The following DTD1 variants were observed in gnomAD, a reference collection of about 807,000 sequenced individuals.
The protein encoded by DTD1 is D-aminoacyl-tRNA deacylase 1, also known as D-tyrosyl-tRNA deacylase 1 homolog.
A neutral mutation model predicts 25.6 loss-of-function variants in DTD1; 13 were observed. The observed-to-expected ratio is 0.51, with a 90% CI of 0.33 to 0.81. The LOEUF is 0.81. Ranked by LOEUF, DTD1 falls within the 30% of genes least tolerant of loss-of-function variation. The pLI, the probability that DTD1 is intolerant of heterozygous loss-of-function variation, is 0.02. For synonymous variants in DTD1, 110 were observed against 103.6 expected (o/e 1.06, Z -0.37); for missense variants, 193 against 266.4 (o/e 0.72, Z 1.92).
intron 3 of DTD1, among the ~76,000 whole-genome samples, chr20:18,615,486 T>C (rs1381897281): frequency 5.9e-5 from 9 of 152,164 alleles, no homozygotes; most frequent in Admixed American, 5.9e-4. Flanking sequence ...TTCACATGAA[T>C]GCTGAAGGCC....
At chr20:18,729,699 C>G (rs1027643383) in intron 4 of DTD1, among the ~76,000 whole-genome samples, 1 of 152,218 alleles carries the variant, frequency 6.6e-6, no homozygotes, top group African/African-American at 2.4e-5. Flanking sequence ...AAAGGAGTAT[C>G]TGTAATACAC....
intron 4 of DTD1, chr20:18,631,302 G>A: frequency 2.0e-6 from 2 of 984,506 alleles, no homozygotes; most frequent in African/African-American, 1.7e-5. Flanking sequence ...TTTCAAGGTG[G>A]TGACATAGAG....
rs1340091099 is a variant in DTD1 at position 18,764,277 on chromosome 20, T to C, written c.*937T>C. On this transcript the variant is annotated 3_prime_UTR_variant, in exon 6 of 6. Coordinates refer to ENST00000377452, the MANE Select transcript of DTD1 (RefSeq NM_080820.6). ...AGATACCCTTTATCCAGTAGCTACA[T>C]GGTTGTCCATGTATCCAAGTCACCA... 6.6e-6 allele frequency: 1 copy of C among 152,188 alleles called. No individual in the cohort carries two copies. The highest frequency in any genetic ancestry group is 2.4e-5 in the African/African-American group (1 of 41,450). The allele number at this position is 152,188 out of a possible 1,614,324, so 9.4% of individuals were successfully genotyped here. A position where few individuals can be genotyped will look rare whatever the true frequency, so the allele number is the denominator to read the frequency against.
At chr20:18,628,988 A>ATTTT (rs10594706) in intron 4 of DTD1, among the ~76,000 whole-genome samples, 6 of 71,544 alleles carry the variant, frequency 8.4e-5, no homozygotes, top group South Asian at 5.7e-4. Context: ...TCAAAGCCTG[A>ATTTT]TTTTTTTTTT....
At chr20:18,675,081 A>G (rs2060965170) in intron 4 of DTD1, 2 of 152,328 alleles carry the variant, frequency 1.3e-5, no homozygotes. Flanking sequence ...GCCTCGGTCC[A>G]CTGTAATTTG....
Position 18,628,196 on chromosome 20 carries a change from C to T in DTD1, c.440C>T (p.Ser147Leu), listed in dbSNP as rs780336372. ...GGGCCTGTGACCATAGAGCTGGAAT[C>T]GCCAGCTCCCGGCACTGCTACCTCT... Reference protein sequence around the residue: ...NDGPVTIELESPAPGTATSDP... With the variant: ...NDGPVTIELELPAPGTATSDP... The change falls in exon 4 of 6, where the codon TCG becomes TTG. Residue 147 changes from serine to leucine, a missense_variant. Transcript: ENST00000377452. 20 of 1,613,720 alleles carry T rather than the reference C, an allele frequency of 1.2e-5. No homozygotes were observed. The highest frequency in any genetic ancestry group is 4.5e-5 in the East Asian group (2 of 44,874).
chr20:18,752,494 T>C (rs1214386820), intron 5 of DTD1, among the ~76,000 whole-genome samples: 3 of 152,212 alleles, frequency 2.0e-5, no homozygotes, highest in Non-Finnish European at 4.4e-5. Context: ...GCATCCTTCA[T>C]TTCTGTTACA....
At chr20:18,663,152 A>G (rs953089754) in intron 4 of DTD1, among the ~76,000 whole-genome samples, 14 of 152,072 alleles carry the variant, frequency 9.2e-5, no homozygotes, top group African/African-American at 3.4e-4. Context: ...GCTGGCATCC[A>G]AGTTTCATGG....
chr20:18,708,259 TATATTTTATATATATATA>T (rs2061139343), intron 4 of DTD1, among the ~76,000 whole-genome samples: 1 of 31,402 alleles, frequency 3.2e-5, no homozygotes, highest in Non-Finnish European at 6.4e-5. Flanking sequence ...ATATTATATA[TATATTTTATATATATATA>T]ATATATATTA....
At chr20:18,641,218 C>T (rs1183412606) in intron 4 of DTD1, among the ~76,000 whole-genome samples, 3 of 152,100 alleles carry the variant, frequency 2.0e-5, no homozygotes, top group East Asian at 1.9e-4. Flanking sequence ...TCTTGTATAC[C>T]GTATTTTGTC....
At chr20:18,661,191 T>G (rs1302690638) in intron 4 of DTD1, among the ~76,000 whole-genome samples, 1 of 152,188 alleles carries the variant, frequency 6.6e-6, no homozygotes, top group Non-Finnish European at 1.5e-5. Context: ...TTCCTCCCAC[T>G]TTATTCTCCT....
intron 4 of DTD1, among the ~76,000 whole-genome samples, chr20:18,641,751 T>A (rs1205751596): frequency 6.6e-6 from 1 of 152,220 alleles, no homozygotes; most frequent in African/African-American, 2.4e-5. Context: ...TCTTTATGTA[T>A]TCTGTGTATT....
chr20:18,743,406 A>G (rs2061285918), intron 4 of DTD1, among the ~76,000 whole-genome samples: 1 of 152,182 alleles, frequency 6.6e-6, no homozygotes, highest in South Asian at 2.1e-4. Context: ...TCTTTAGAAA[A>G]CACGTGGTGT....
At chr20:18,606,782 G>A (rs1426524305) in intron 3 of DTD1, among the ~76,000 whole-genome samples, 3 of 132,102 alleles carry the variant, frequency 2.3e-5, no homozygotes, top group Non-Finnish European at 3.2e-5. Context: ...CTGTGGTGGG[G>A]GGGGGGAGGG....
chr20:18,653,138 A>G (rs960141128), intron 4 of DTD1, among the ~76,000 whole-genome samples: 2 of 152,226 alleles, frequency 1.3e-5, no homozygotes, highest in African/African-American at 4.8e-5. Flanking sequence ...ACAGTGGCTC[A>G]TGCCTGTGAT....
At chr20:18,692,058 T>C (rs2061049725) in intron 4 of DTD1, 1 of 152,198 alleles carries the variant, frequency 6.6e-6, no homozygotes, top group South Asian at 2.1e-4. Context: ...ACTTACAACT[T>C]AGGGCACAAT....
At chr20:18,715,596 C>G (rs6035107) in intron 4 of DTD1, among the ~76,000 whole-genome samples, 152,207 of 152,348 alleles carry the variant, frequency 1, 76,034 homozygotes, top group Middle Eastern at 1. Context: ...CATATAATTA[C>G]TATTTCTATT....
chr20:18,696,205 TG>T (rs1476485888), intron 4 of DTD1, among the ~76,000 whole-genome samples: 15 of 152,140 alleles, frequency 9.9e-5, no homozygotes, highest in Non-Finnish European at 1.6e-4. Context: ...GAGGGGAATG[TG>T]GGCCTCATAT....
intron 4 of DTD1, among the ~76,000 whole-genome samples, chr20:18,682,483 A>G (rs1156729213): frequency 6.6e-6 from 1 of 152,204 alleles, no homozygotes; most frequent in African/African-American, 2.4e-5. Flanking sequence ...GAGTAAATGT[A>G]TGTTCCTGTT....
Sources: gnomAD v4.1 joint callset for allele counts (sites outside exome capture counted in the v4.1 genomes callset) on GRCh38, gnomAD v4.1.1 for gene constraint, MANE v1.5 for transcripts, NCBI Gene and HGNC (gene_info 2026-07-23, HGNC 2026-07-21) for gene names.